The following ELOVL6 variants were observed in gnomAD, a reference collection of about 807,000 sequenced individuals.
ELOVL6 encodes the protein ELOVL fatty acid elongase 6.
A neutral mutation model predicts 31.7 loss-of-function variants in ELOVL6; 8 were observed. That is an observed-to-expected ratio of 0.25 (90% CI 0.15 to 0.45). The LOEUF is 0.45. Ranked by LOEUF, ELOVL6 falls within the 20% of genes least tolerant of loss-of-function variation. The pLI is 1.00. For missense variants in ELOVL6, 126 were observed against 326.4 expected, an observed-to-expected ratio of 0.39 and a Z score of 4.73; for synonymous variants, 101 against 117.7, an observed-to-expected ratio of 0.86 and a Z score of 0.92.
At chr4:110,161,803 A>G (rs1345968978) in intron 1 of ELOVL6, among the ~76,000 whole-genome samples, 1 of 152,248 alleles carries the variant, frequency 6.6e-6, no homozygotes, top group Non-Finnish European at 1.5e-5. Flanking sequence ...AGAAACACAC[A>G]CAAAACTAGG....
intron 1 of ELOVL6, among the ~76,000 whole-genome samples, chr4:110,165,448 T>A (rs1758748959): frequency 6.6e-6 from 1 of 152,132 alleles, no homozygotes; most frequent in African/African-American, 2.4e-5. Context: ...TAAACCTTAG[T>A]CAGGCCAGGC....
At position 110,198,534 on chromosome 4, in the gene ELOVL6, T is replaced by G; in HGVS notation, c.-199A>C. On this transcript the variant is annotated 5_prime_UTR_variant, in exon 1 of 4. Transcript: ENST00000302274. ...GGCTGAGCATTGCCTGCGCCTCCGC[T>G]CCCAGCTCCTCTCTCTGGGGCTCTC... is the stretch of plus-strand genomic sequence containing the variant. The G allele has an allele frequency of 3.7e-6, 2 of 533,730 alleles. No homozygotes were observed. The highest frequency in any genetic ancestry group is 2.5e-5 in the South Asian group (1 of 40,026). The allele number at this position is 533,730 out of a possible 1,614,324, so 33.1% of individuals were successfully genotyped here.
At chr4:110,098,094 A>G (rs1453980928) in intron 2 of ELOVL6, among the ~76,000 whole-genome samples, 3 of 152,226 alleles carry the variant, frequency 2.0e-5, no homozygotes, top group African/African-American at 7.2e-5. Flanking sequence ...AGTTAGAAAC[A>G]TTAACCGTGA....
intron 1 of ELOVL6, among the ~76,000 whole-genome samples, chr4:110,137,139 T>C (rs950593648): frequency 6.6e-6 from 1 of 152,204 alleles, no homozygotes; most frequent in African/African-American, 2.4e-5. Flanking sequence ...TGGAAAACTT[T>C]AAATTAGAAA....
chr4:110,167,654 TATGTATGTATG>T (rs1758815837), intron 1 of ELOVL6, among the ~76,000 whole-genome samples: 1 of 4,530 alleles, frequency 2.2e-4, no homozygotes, highest in East Asian at 6.1e-3. Flanking sequence ...CCACCTCAGT[TATGTATGTATG>T]TATGTATGTA....
intron 2 of ELOVL6, among the ~76,000 whole-genome samples, chr4:110,084,022 TATGCCATATATGGTATATAACAC>T (rs1560813555): frequency 2.9e-5 from 2 of 68,518 alleles, no homozygotes; most frequent in East Asian, 7.9e-4. Flanking sequence ...GTATATAACA[TATGCCATATATGGTATATAACAC>T]ATGCTATATA....
chr4:110,169,860 A>C (rs1270255802), intron 1 of ELOVL6, among the ~76,000 whole-genome samples: 1 of 143,328 alleles, frequency 7.0e-6, no homozygotes, highest in Non-Finnish European at 1.5e-5. Context: ...GGCTGAGTGC[A>C]ATGGTGCGAT....
At chr4:110,136,478 G>C (rs1030303567) in intron 1 of ELOVL6, among the ~76,000 whole-genome samples, 2 of 152,128 alleles carry the variant, frequency 1.3e-5, no homozygotes, top group Admixed American at 1.3e-4. Context: ...ATGTTCACTT[G>C]ACTGACAGAT....
At chr4:110,083,269 T>C (rs947995099) in intron 2 of ELOVL6, among the ~76,000 whole-genome samples, 1 of 151,668 alleles carries the variant, frequency 6.6e-6, no homozygotes, top group African/African-American at 2.4e-5. Context: ...GATAATGGAC[T>C]AGGGATGAGG....
At chr4:110,176,291 T>A (rs1310887314) in intron 1 of ELOVL6, among the ~76,000 whole-genome samples, 1 of 152,082 alleles carries the variant, frequency 6.6e-6, no homozygotes, top group Admixed American at 6.6e-5. Context: ...GCCTCTCAAG[T>A]AGCTGGGACT....
chr4:110,099,316 A>G lies in ELOVL6; in HGVS notation c.221+6181T>C, dbSNP rs958532437. 2.7e-5 allele frequency among the ~76,000 whole-genome samples: 4 copies of G among 148,574 alleles called. No individual in the cohort carries two copies. The South Asian group carries it at 8.4e-4, about 31-fold the overall frequency. On this transcript the variant is annotated intron_variant, in intron 2 of 3. Transcript: ENST00000302274. Reference sequence around the variant, plus strand: ...TAAGCACTTTGTTCATAAGAATCCCACAAAAGAAAAAAAGAGAATAATTTT... The same window carrying G: ...TAAGCACTTTGTTCATAAGAATCCCGCAAAAGAAAAAAAGAGAATAATTTT...
chr4:110,084,209 A>ATATATC (rs1560814552), intron 2 of ELOVL6, among the ~76,000 whole-genome samples: 1 of 69,774 alleles, frequency 1.4e-5, no homozygotes, highest in East Asian at 4.4e-4. Flanking sequence ...TGATATATAT[A>ATATATC]ACATATAACT....
Position 110,077,655 on chromosome 4 carries a change from A to G in ELOVL6, c.222-17901T>C, listed in dbSNP as rs1237471577. ...AGACGGGGAAAAAACAGAGCAGAAA[A>G]ACTGGAAACTCTAAAAATCAGAGCA... On this transcript the variant is annotated intron_variant, in intron 2 of 3. Transcript: ENST00000302274. Among the ~76,000 whole-genome samples the G allele has an allele frequency of 2.0e-5, 3 of 152,180 alleles. No homozygotes were observed. In the East Asian group the frequency reaches 5.8e-4, roughly 29 times the overall value.
chr4:110,084,552 A>ATATT (rs1371261027), intron 2 of ELOVL6, among the ~76,000 whole-genome samples: 6 of 71,966 alleles, frequency 8.3e-5, no homozygotes, highest in African/African-American at 5.3e-4. Context: ...ACACACACAC[A>ATATT]CACACACACA....
chr4:110,143,434 A>G (rs1303902686), intron 1 of ELOVL6, among the ~76,000 whole-genome samples: 1 of 152,200 alleles, frequency 6.6e-6, no homozygotes, highest in Non-Finnish European at 1.5e-5. Flanking sequence ...TTCTGATTTC[A>G]TGCTGATTTT....
chr4:110,085,635 T>C (rs1393307361), intron 2 of ELOVL6, among the ~76,000 whole-genome samples: 3 of 152,220 alleles, frequency 2.0e-5, no homozygotes, highest in African/African-American at 7.2e-5. Context: ...TAAAGGGGCA[T>C]ATAAGCCTCC....
intron 2 of ELOVL6, among the ~76,000 whole-genome samples, chr4:110,081,946 C>T (rs571133358): frequency 5.0e-4 from 76 of 151,366 alleles, no homozygotes; most frequent in Non-Finnish European, 8.4e-4. Context: ...TATGAACAGA[C>T]ACTTCTGAAA....
intron 2 of ELOVL6, among the ~76,000 whole-genome samples, chr4:110,091,575 T>A (rs1340646552): frequency 6.6e-6 from 1 of 152,194 alleles, no homozygotes; most frequent in African/African-American, 2.4e-5. Flanking sequence ...GCCCCCTGCA[T>A]AAGAGAATGC....
At chr4:110,083,894 AAT>A (rs532769101) in intron 2 of ELOVL6, among the ~76,000 whole-genome samples, 1 of 121,978 alleles carries the variant, frequency 8.2e-6, no homozygotes. Flanking sequence ...ATATATAGAT[AAT>A]ATATATATAC....
Sources: allele counts gnomAD v4.1 joint callset (sites outside exome capture counted in the v4.1 genomes callset), GRCh38; gene constraint gnomAD v4.1.1; transcripts MANE v1.5; gene names NCBI Gene and HGNC (gene_info 2026-07-23, HGNC 2026-07-21).